Variants in BACH2 observed in about 807,000 individuals in gnomAD.
BACH2 encodes BACH transcriptional regulator 2.
A neutral mutation model predicts 61.8 loss-of-function variants in BACH2; 5 were observed. That is an observed-to-expected ratio of 0.08 (90% CI 0.04 to 0.17). The LOEUF is 0.17. BACH2 is among the 10% of genes least tolerant of loss of function. The pLI, the probability that BACH2 is intolerant of heterozygous loss-of-function variation, is 1.00. For missense variants in BACH2, 824 were observed against 1,091.1 expected, an observed-to-expected ratio of 0.76 and a Z score of 3.45; for synonymous variants, 446 against 440.1, an observed-to-expected ratio of 1.01 and a Z score of -0.17.
At chr6:90,058,199 G>A (rs1208501431) in intron 5 of BACH2, among the ~76,000 whole-genome samples, 1 of 152,188 alleles carries the variant, frequency 6.6e-6, no homozygotes, top group Non-Finnish European at 1.5e-5. Context: ...CTTTGCAGAT[G>A]ACATGACTGT....
intron 2 of BACH2, among the ~76,000 whole-genome samples, chr6:90,256,916 T>C (rs1170991263): frequency 6.6e-6 from 1 of 152,230 alleles, no homozygotes; most frequent in Admixed American, 6.5e-5. Context: ...ACCACTGTTG[T>C]ATTCTCTCTG....
chr6:89,987,119 C>T (rs1322393565), intron 6 of BACH2, among the ~76,000 whole-genome samples: 4 of 152,000 alleles, frequency 2.6e-5, no homozygotes, highest in Non-Finnish European at 2.9e-5. Flanking sequence ...ATCAGGATCC[C>T]AAATGATGAC....
At chr6:89,955,785 A>G (rs1474227422) in intron 6 of BACH2, among the ~76,000 whole-genome samples, 7 of 152,090 alleles carry the variant, frequency 4.6e-5, no homozygotes, top group African/African-American at 1.4e-4. Flanking sequence ...ACCAGTGAAA[A>G]GCTGTATGTT....
chr6:90,195,681 A>G (rs952670745), intron 4 of BACH2, among the ~76,000 whole-genome samples: 1 of 152,166 alleles, frequency 6.6e-6, no homozygotes, highest in Non-Finnish European at 1.5e-5. Context: ...ATTAAAAGAG[A>G]TAAATGCCCC....
intron 4 of BACH2, among the ~76,000 whole-genome samples, chr6:90,202,591 G>T (rs901212458): frequency 3.3e-5 from 5 of 152,156 alleles, no homozygotes; most frequent in Admixed American, 6.5e-5. Context: ...GGAAGAAACA[G>T]TTCTCAAGAA....
chr6:90,152,840 A>G (rs1202556192), intron 4 of BACH2, among the ~76,000 whole-genome samples: 1 of 152,210 alleles, frequency 6.6e-6, no homozygotes, highest in Admixed American at 6.5e-5. Flanking sequence ...GTTTACTGTC[A>G]GTTATAGCGC....
rs983906227 is a variant in BACH2, at chr6:89,928,915, G to A, written c.*3493C>T. 13 of 151,766 alleles carry A rather than the reference G, an allele frequency of 8.6e-5. No individual in the cohort carries two copies. Among genetic ancestry groups the A allele is most frequent in the African/African-American group, 2.4e-4 (10 of 41,028 alleles). 9.4% of individuals were successfully genotyped at this position (151,766 alleles called of 1,614,324 possible). A position where few individuals can be genotyped will look rare whatever the true frequency, so the allele number is the denominator to read the frequency against. On this transcript the variant is annotated 3_prime_UTR_variant, in exon 9 of 9. Coordinates refer to ENST00000257749, the MANE Select transcript of BACH2 (RefSeq NM_021813.4). ...AACTGTTTTGTTCCAGAATCAGTAT[G>A]TAATAAAGTTCGATTTTAATCAAGG... is the stretch of plus-strand genomic sequence containing the variant.
chr6:90,182,160 A>T (rs542554360), intron 4 of BACH2, among the ~76,000 whole-genome samples: 1 of 152,334 alleles, frequency 6.6e-6, no homozygotes, highest in East Asian at 1.9e-4. Flanking sequence ...GCACAGATAC[A>T]TAATTTTAAT....
intron 6 of BACH2, among the ~76,000 whole-genome samples, chr6:90,007,581 G>T (rs1183717371): frequency 1.3e-5 from 2 of 152,168 alleles, no homozygotes; most frequent in Non-Finnish European, 2.9e-5. Context: ...CCAGGCCCCT[G>T]AAGGCGTCTG....
chr6:90,046,642 T>C (rs1349508115), intron 5 of BACH2, among the ~76,000 whole-genome samples: 1 of 152,110 alleles, frequency 6.6e-6, no homozygotes, highest in Non-Finnish European at 1.5e-5. Flanking sequence ...AACCTGTGGG[T>C]GATATCAATA....
intron 3 of BACH2, among the ~76,000 whole-genome samples, chr6:90,240,164 C>CA (rs1282598385): frequency 1.3e-5 from 2 of 151,786 alleles, no homozygotes; most frequent in Non-Finnish European, 2.9e-5. Context: ...TCTACTAGGT[C>CA]AAAAAAAGTT....
chr6:89,934,184 G>A (rs771159325), intron 8 of BACH2, among the ~76,000 whole-genome samples: 24 of 152,134 alleles, frequency 1.6e-4, no homozygotes, highest in Non-Finnish European at 3.2e-4. Context: ...GATTCTCCCC[G>A]ACTTGGGAAG....
At chr6:90,128,829 T>C (rs1395755629) in intron 4 of BACH2, among the ~76,000 whole-genome samples, 4 of 152,078 alleles carry the variant, frequency 2.6e-5, no homozygotes, top group African/African-American at 9.7e-5. Flanking sequence ...CCAACAATGG[T>C]AGACTGGATT....
chr6:90,032,378 C>T (rs1212153773), intron 5 of BACH2, among the ~76,000 whole-genome samples: 1 of 132,134 alleles, frequency 7.6e-6, no homozygotes, highest in East Asian at 2.9e-4. Flanking sequence ...AACTAAAGAG[C>T]TTCTGCACAG....
At chr6:90,045,595 T>C (rs1278790282) in intron 5 of BACH2, among the ~76,000 whole-genome samples, 1 of 152,200 alleles carries the variant, frequency 6.6e-6, no homozygotes, top group African/African-American at 2.4e-5. Context: ...TTGCATTGAA[T>C]TTGGGGTAGT....
chr6:90,154,221 A>C (rs1182106894), intron 4 of BACH2, among the ~76,000 whole-genome samples: 1 of 152,186 alleles, frequency 6.6e-6, no homozygotes, highest in Non-Finnish European at 1.5e-5. Context: ...TGCCAGAAGT[A>C]GAGGAAATGC....
chr6:90,180,026 A>C (rs1768105684), intron 4 of BACH2, among the ~76,000 whole-genome samples: 1 of 152,222 alleles, frequency 6.6e-6, no homozygotes, highest in African/African-American at 2.4e-5. Flanking sequence ...TTGAATGAAG[A>C]GATTTCAACA....
At position 90,008,920 on chromosome 6, in the gene BACH2, CAG is replaced by C. The variant is rs1352598074; in HGVS notation, c.-12-66_-12-65del. The C allele has an allele frequency of 1.3e-6, 2 of 1,563,566 alleles. No homozygotes were observed. The highest frequency in any genetic ancestry group is 1.7e-6 in the Non-Finnish European group (2 of 1,153,936). Reference sequence around the variant, plus strand: ...GGCTGAGTCACCACAGCTGTAGGATCAGAGAGAGGAGGTGAGAAAGAACATCA... The same window carrying C: ...GGCTGAGTCACCACAGCTGTAGGATCAGAGAGGAGGTGAGAAAGAACATCA... On this transcript the variant is annotated intron_variant, in intron 5 of 8. Transcript: ENST00000257749. This position sits in a 1 kb window ranked among gnomAD's most constrained non-coding sequence, Gnocchi z 4.1.
At chr6:90,150,099 C>T (rs1310055086) in intron 4 of BACH2, among the ~76,000 whole-genome samples, 7 of 152,142 alleles carry the variant, frequency 4.6e-5, no homozygotes, top group South Asian at 2.1e-4. Context: ...TGATCATCTC[C>T]GAGGGGTTTG....
Sources: allele counts gnomAD v4.1 joint callset (sites outside exome capture counted in the v4.1 genomes callset), GRCh38; gene constraint gnomAD v4.1.1; non-coding constraint Gnocchi (gnomAD v3.1); transcripts MANE v1.5; gene names NCBI Gene and HGNC (gene_info 2026-07-23, HGNC 2026-07-21).